The following STARD13 variants were observed in gnomAD, a reference collection of about 807,000 sequenced individuals.
STARD13 encodes the protein StAR related lipid transfer domain containing 13, also known as stAR-related lipid transfer protein 13.
Under a neutral mutation model 106.4 loss-of-function variants are expected in STARD13, and 62 were observed. The ratio of observed to expected loss-of-function variants is 0.58; its 90% CI spans 0.48 to 0.72. The LOEUF is 0.72. Among genes scored for constraint, STARD13 ranks in the 30% least tolerant of loss-of-function variants. STARD13 has a pLI of 0.00. For synonymous variants in STARD13, 565 were observed against 553.0 expected, an observed-to-expected ratio of 1.02 and a Z score of -0.31; for missense variants, 1,387 against 1,424.0, an observed-to-expected ratio of 0.97 and a Z score of 0.42.
the STARD13 span, among the ~76,000 whole-genome samples, chr13:33,396,281 C>T: frequency 7.9e-5 from 12 of 152,228 alleles, no homozygotes; most frequent in Admixed American, 1.3e-4. Flanking sequence ...TAGGCATGAG[C>T]CACGGTGTCC....
At chr13:33,599,031 T>C in the STARD13 span, among the ~76,000 whole-genome samples, 4 of 152,202 alleles carry the variant, frequency 2.6e-5, no homozygotes, top group South Asian at 2.1e-4. Flanking sequence ...GGAATTTCAA[T>C]TGTGAGAGTT....
chr13:33,558,970 A>G, the STARD13 span, among the ~76,000 whole-genome samples: 1 of 151,604 alleles, frequency 6.6e-6, no homozygotes, highest in South Asian at 2.1e-4. Context: ...TGAAGACAAT[A>G]CAGTGTTAAA....
intron 1 of STARD13, among the ~76,000 whole-genome samples, chr13:33,251,858 AT>A (rs1239846741): frequency 1.3e-5 from 2 of 152,242 alleles, no homozygotes; most frequent in Non-Finnish European, 2.9e-5. Context: ...TGCTACTTAC[AT>A]TAAATGAGTA....
the STARD13 span, among the ~76,000 whole-genome samples, chr13:33,410,134 C>A: frequency 6.6e-6 from 1 of 152,184 alleles, no homozygotes. Context: ...GTGCTTAATG[C>A]AAGCTTAATA....
chr13:33,470,382 A>G, the STARD13 span, among the ~76,000 whole-genome samples: 2 of 152,224 alleles, frequency 1.3e-5, no homozygotes, highest in Admixed American at 6.5e-5. Context: ...CACAATAAAC[A>G]TAAGTGTGCA....
the STARD13 span, among the ~76,000 whole-genome samples, chr13:33,404,605 C>A: frequency 6.6e-6 from 1 of 152,036 alleles, no homozygotes; most frequent in Admixed American, 6.6e-5. Flanking sequence ...AAAGTAAGAT[C>A]TTGGGGTAGA....
intron 7 of STARD13, among the ~76,000 whole-genome samples, chr13:33,123,102 A>G (rs1876618603): frequency 6.7e-6 from 1 of 148,362 alleles, no homozygotes; most frequent in Non-Finnish European, 1.5e-5. Flanking sequence ...GGATAATTTC[A>G]CTGGATAGCC....
At chr13:33,237,220 TC>T (rs1405278841) in intron 1 of STARD13, among the ~76,000 whole-genome samples, 1 of 152,224 alleles carries the variant, frequency 6.6e-6, no homozygotes, top group Non-Finnish European at 1.5e-5. Context: ...AAGTCCTAGT[TC>T]CAGATTTCTA....
chr13:33,609,067 C>A, the STARD13 span, among the ~76,000 whole-genome samples: 1 of 106,968 alleles, frequency 9.3e-6, no homozygotes, highest in African/African-American at 4.2e-5. Context: ...GCCTGGGCGA[C>A]AGAGCGAGAC....
At chr13:33,191,160 C>A (rs1321546918) in intron 1 of STARD13, among the ~76,000 whole-genome samples, 1 of 152,118 alleles carries the variant, frequency 6.6e-6, no homozygotes, top group Non-Finnish European at 1.5e-5. Flanking sequence ...GTGTATTTTT[C>A]TTTGGGAAGC....
chr13:33,197,332 T>C (rs913188637), intron 1 of STARD13, among the ~76,000 whole-genome samples: 2 of 152,144 alleles, frequency 1.3e-5, no homozygotes, highest in African/African-American at 4.8e-5. Flanking sequence ...CTCAGTTCTA[T>C]AGACAGATTT....
At chr13:33,247,979 G>C (rs1156838296) in intron 1 of STARD13, among the ~76,000 whole-genome samples, 1 of 152,168 alleles carries the variant, frequency 6.6e-6, no homozygotes, top group Non-Finnish European at 1.5e-5. Context: ...CTTCTGGGGG[G>C]TCCTTATATA....
chr13:33,556,589 T>C, the STARD13 span, among the ~76,000 whole-genome samples: 15 of 152,314 alleles, frequency 9.8e-5, no homozygotes, highest in Admixed American at 9.8e-4. Flanking sequence ...GTCTTTTCCT[T>C]ACTCCTACTT....
the STARD13 span, among the ~76,000 whole-genome samples, chr13:33,540,748 A>G: frequency 6.6e-6 from 1 of 152,224 alleles, no homozygotes. Context: ...GTGTGAGGCA[A>G]AGTCATTAGT....
At chr13:33,601,381 C>A in the STARD13 span, among the ~76,000 whole-genome samples, 1 of 152,038 alleles carries the variant, frequency 6.6e-6, no homozygotes, top group Non-Finnish European at 1.5e-5. Context: ...CACATCAAAC[C>A]CTTACAAGGT....
chr13:33,546,469 G>A, the STARD13 span, among the ~76,000 whole-genome samples: 2 of 152,018 alleles, frequency 1.3e-5, no homozygotes, highest in Non-Finnish European at 2.9e-5. Context: ...TGGTAGTTGA[G>A]TCTCTGTAGC....
At chr13:33,271,724 C>T (rs1210698217) in intron 1 of STARD13, 2 of 151,862 alleles carry the variant, frequency 1.3e-5, no homozygotes, top group African/African-American at 2.4e-5. Context: ...GGGCACACGG[C>T]TTTGCTGCTG....
At chr13:33,206,341 C>T (rs1887416364) in intron 1 of STARD13, among the ~76,000 whole-genome samples, 1 of 149,678 alleles carries the variant, frequency 6.7e-6, no homozygotes, top group African/African-American at 2.5e-5. Flanking sequence ...CCTAATAAGA[C>T]TCGAAAGAAG....
At chr13:33,184,562 G>A (rs1017410675) in intron 1 of STARD13, among the ~76,000 whole-genome samples, 1 of 152,178 alleles carries the variant, frequency 6.6e-6, no homozygotes, top group Non-Finnish European at 1.5e-5. Flanking sequence ...TTTACTCTAT[G>A]GGTCCCTGAG....
Sources: allele counts gnomAD v4.1 joint callset (sites outside exome capture counted in the v4.1 genomes callset), GRCh38; gene constraint gnomAD v4.1.1; transcripts MANE v1.5; gene names NCBI Gene and HGNC (gene_info 2026-07-23, HGNC 2026-07-21).